Variants in FANCC observed in about 807,000 individuals in gnomAD.
FANCC encodes Fanconi anemia group C protein.
In FANCC, 55 loss-of-function variants were observed where a neutral mutation model predicts 71.3. The ratio of observed to expected loss-of-function variants is 0.77; its 90% CI spans 0.62 to 0.97. The LOEUF (loss-of-function observed/expected upper bound fraction) is 0.97. Ranked by LOEUF, FANCC falls within the 50% of genes least tolerant of loss-of-function variation. FANCC has a pLI of 0.00. For missense variants in FANCC, 678 were observed against 670.9 expected, an observed-to-expected ratio of 1.01 and a Z score of -0.12; for synonymous variants, 275 against 244.9, an observed-to-expected ratio of 1.12 and a Z score of -1.15.
intron 4 of FANCC, among the ~76,000 whole-genome samples, chr9:95,208,538 AAACTT>A (rs1169292638): frequency 6.6e-6 from 1 of 152,242 alleles, no homozygotes; most frequent in Non-Finnish European, 1.5e-5. Flanking sequence ...AGAACTGTTA[AAACTT>A]AACTAGAAGA....
At chr9:95,205,104 C>A (rs1322748960) in intron 4 of FANCC, among the ~76,000 whole-genome samples, 1 of 152,122 alleles carries the variant, frequency 6.6e-6, no homozygotes. Flanking sequence ...TATAGCACTG[C>A]ATTCTATACA....
chr9:95,267,185 A>C (rs1832430698), intron 1 of FANCC, among the ~76,000 whole-genome samples: 1 of 152,170 alleles, frequency 6.6e-6, no homozygotes, highest in Admixed American at 6.5e-5. Flanking sequence ...CACAAACGAC[A>C]GAGTGAGAAA....
At chr9:95,154,922 C>A (rs1341311114) in intron 6 of FANCC, among the ~76,000 whole-genome samples, 3 of 151,798 alleles carry the variant, frequency 2.0e-5, no homozygotes, top group Non-Finnish European at 2.9e-5. Context: ...TGAAAATATT[C>A]ATGCTAGGTG....
At chr9:95,277,061 C>T (rs173339) in intron 1 of FANCC, among the ~76,000 whole-genome samples, 142,960 of 152,316 alleles carry the variant, frequency 0.94, 67,101 homozygotes, top group Middle Eastern at 0.98. Flanking sequence ...AGCATTCCTA[C>T]GCATGATGGT....
intron 4 of FANCC, among the ~76,000 whole-genome samples, chr9:95,237,103 TAA>T (rs1830362177): frequency 6.6e-6 from 1 of 152,232 alleles, no homozygotes; most frequent in African/African-American, 2.4e-5. Context: ...AATAAATTGT[TAA>T]GAGTTAAATC....
At chr9:95,310,369 GA>G (rs1037310066) in intron 1 of FANCC, among the ~76,000 whole-genome samples, 2,385 of 126,404 alleles carry the variant, frequency 0.019, 54 homozygotes, top group African/African-American at 0.054. Context: ...TTTCAAAAGA[GA>G]AAAAAAAAAA....
chr9:95,220,398 G>T (rs1401079122), intron 4 of FANCC, among the ~76,000 whole-genome samples: 1 of 152,188 alleles, frequency 6.6e-6, no homozygotes, highest in East Asian at 1.9e-4. Context: ...AAATCATGCT[G>T]TTATAAAGAC....
chr9:95,213,054 GAGA>G (rs1828607452), intron 4 of FANCC, among the ~76,000 whole-genome samples: 1 of 152,198 alleles, frequency 6.6e-6, no homozygotes, highest in South Asian at 2.1e-4. Context: ...GATTTAGTAT[GAGA>G]AGGAGAACAA....
chr9:95,310,568 G>A (rs1244607041), intron 1 of FANCC, among the ~76,000 whole-genome samples: 1 of 152,130 alleles, frequency 6.6e-6, no homozygotes, highest in Non-Finnish European at 1.5e-5. Context: ...TCCCAAGTAA[G>A]AGACAGACCT....
intron 6 of FANCC, among the ~76,000 whole-genome samples, chr9:95,160,560 T>G (rs570216233): frequency 2.0e-5 from 3 of 152,346 alleles, no homozygotes; most frequent in African/African-American, 7.2e-5. Context: ...TCCAATTCTG[T>G]GAAGAAAGTC....
intron 13 of FANCC, among the ~76,000 whole-genome samples, chr9:95,108,419 G>C (rs1280059953): frequency 3.3e-5 from 5 of 152,204 alleles, no homozygotes; most frequent in South Asian, 2.1e-4. Context: ...GGTTTAGGAG[G>C]CTATGCCTTT....
chr9:95,312,486 C>T (rs1588455149), intron 1 of FANCC, among the ~76,000 whole-genome samples: 2 of 152,174 alleles, frequency 1.3e-5, no homozygotes, highest in Admixed American at 1.3e-4. Context: ...CATCAGCCTC[C>T]GTAGTAGGTG....
chr9:95,129,725 G>C (rs1826590644), intron 8 of FANCC, among the ~76,000 whole-genome samples: 1 of 152,184 alleles, frequency 6.6e-6, no homozygotes, highest in South Asian at 2.1e-4. Context: ...CTCGAGGGGA[G>C]CTATGTCAGC....
At position 95,218,395 on chromosome 9, in the gene FANCC, G is replaced by A. The variant is rs565636815; in HGVS notation, c.345+22254C>T. Among the ~76,000 whole-genome samples the A allele has an allele frequency of 3.3e-5, 5 of 152,250 alleles. No homozygotes were observed. In the East Asian group the frequency reaches 9.7e-4, roughly 29 times the overall value. On this transcript the variant is annotated intron_variant, in intron 4 of 14. Transcript: ENST00000289081. ...TGGGAGGACTGCTTGAGCCCAGGAG[G>A]TCAAGGCTGCAGTGAGCTATGATTG...
intron 4 of FANCC, among the ~76,000 whole-genome samples, chr9:95,236,324 A>G (rs952918693): frequency 1.3e-5 from 2 of 152,212 alleles, no homozygotes; most frequent in African/African-American, 4.8e-5. Context: ...CAGCCTCTAT[A>G]GTTGTGCCTG....
chr9:95,313,964 AC>A, intron 1 of FANCC, among the ~76,000 whole-genome samples: 1 of 152,258 alleles, frequency 6.6e-6, no homozygotes, highest in Non-Finnish European at 1.5e-5. Flanking sequence ...TGAAAAACTT[AC>A]AGCTAACGTC....
chr9:95,275,335 C>T (rs1306262456), intron 1 of FANCC, among the ~76,000 whole-genome samples: 2 of 151,892 alleles, frequency 1.3e-5, no homozygotes, highest in South Asian at 2.1e-4. Context: ...AAATTCCACT[C>T]GGGCAGGGGA....
intron 10 of FANCC, among the ~76,000 whole-genome samples, chr9:95,118,413 G>A: frequency 6.6e-6 from 1 of 152,254 alleles, no homozygotes. Context: ...AAGGGGCACA[G>A]AAGCTTTTTT....
At chr9:95,228,125 C>A (rs566097067) in intron 4 of FANCC, among the ~76,000 whole-genome samples, 1 of 152,250 alleles carries the variant, frequency 6.6e-6, no homozygotes, top group South Asian at 2.1e-4. Context: ...ATCCCCAACA[C>A]CTGCTTGTAC....
Sources: allele counts gnomAD v4.1 joint callset (sites outside exome capture counted in the v4.1 genomes callset), GRCh38; gene constraint gnomAD v4.1.1; transcripts MANE v1.5; gene names NCBI Gene and HGNC (gene_info 2026-07-23, HGNC 2026-07-21).